Variants in TERB1 observed in about 807,000 individuals in gnomAD.
TERB1 encodes the protein telomere repeat binding bouquet formation protein 1.
In TERB1, 63 loss-of-function variants were observed where a neutral mutation model predicts 92.3. The ratio of observed to expected loss-of-function variants is 0.68; its 90% confidence interval spans 0.56 to 0.84. The LOEUF (loss-of-function observed/expected upper bound fraction) is 0.84. Among genes scored for constraint, TERB1 ranks in the 40% least tolerant of loss-of-function variants. The probability of loss-of-function intolerance (pLI) is 0.00; values close to 1 mark genes in which losing one functional copy is unlikely to be tolerated. For synonymous variants in TERB1, 252 were observed against 283.9 expected, an observed-to-expected ratio of 0.89 and a Z score of 1.13; for missense variants, 709 against 843.7, an observed-to-expected ratio of 0.84 and a Z score of 1.98.
chr16:66,790,677 T>C lies in TERB1; in HGVS notation c.189A>G (p.Val63=), dbSNP rs1277756708. ...YFREIGGLMF[V]KNLAKSSEHS... is the part of the protein sequence containing the mutation. ...GTTCACTTGACTTTGCAAGATTTTTTACAAACATCAAACCACCAATTTCCC... is the reference window on the plus strand; with the variant it reads ...GTTCACTTGACTTTGCAAGATTTTTCACAAACATCAAACCACCAATTTCCC... The change falls in exon 5 of 19, where the codon GTA becomes GTG. Residue 63 remains valine (V), a synonymous_variant. Transcript: ENST00000433154. 1.3e-6 allele frequency: 2 copies of C among 1,551,138 alleles called. No homozygotes were observed. Among genetic ancestry groups the C allele is most frequent in the Admixed American group, 3.9e-5 (2 of 50,994 alleles).
Position 66,777,275 on chromosome 16 carries a change from G to A in TERB1, c.913C>T (p.Leu305Phe). 1.3e-6 allele frequency: 2 copies of A among 1,549,906 alleles called. No homozygotes were observed. Among genetic ancestry groups the A allele is most frequent in the South Asian group, 1.2e-5 (1 of 84,016 alleles). The change falls in exon 11 of 19, where the codon CTT (leucine) becomes TTT (phenylalanine). Residue 305 changes from leucine to phenylalanine, a missense_variant. Physicochemically the swap from Leu to Phe is conservative, Grantham distance 22. Coordinates refer to ENST00000433154, the MANE Select transcript of TERB1 (RefSeq NM_001136505.2). The stretch of plus-strand genomic sequence containing the variant: ...TCTCCTGAATCCAGACTTTCATGAA[G>A]CAGTAATGCCAGAAGTTTAGAAACA... ...HIVSKLLALLLHESLDSGEKF... is the reference protein window; with the variant it reads ...HIVSKLLALLFHESLDSGEKF...
chr16:66,798,819 T>C (rs1334405650), intron 2 of TERB1, among the ~76,000 whole-genome samples: 1 of 152,240 alleles, frequency 6.6e-6, no homozygotes, highest in Non-Finnish European at 1.5e-5. Context: ...CTATTGAGGC[T>C]AGACTTTGTT....
In TERB1 at chr16:66,790,694, C is replaced by G. The variant is rs1412754017; in HGVS notation, c.172G>C (p.Gly58Arg). 1 of 1,550,740 alleles carries G rather than the reference C, an allele frequency of 6.4e-7. No individual in the cohort carries two copies. Among genetic ancestry groups the G allele is most frequent in the African/African-American group, 1.4e-5 (1 of 72,888 alleles). Residue 58 changes from glycine (G) to arginine (R), a missense_variant, in exon 5 of 19, where the codon GGT becomes CGT. Transcript: ENST00000433154. ...SNASVYFREI[G>R]GLMFVKNLAK... Reference sequence around the variant, plus strand: ...AGATTTTTTACAAACATCAAACCACCAATTTCCCGAAAATAAACACTTGCA... The same window carrying G: ...AGATTTTTTACAAACATCAAACCACGAATTTCCCGAAAATAAACACTTGCA...
chr16:66,777,627 C>A (rs557981426), intron 10 of TERB1, among the ~76,000 whole-genome samples: 2 of 152,274 alleles, frequency 1.3e-5, no homozygotes, highest in African/African-American at 4.8e-5. Context: ...AATTGTTCTG[C>A]AGAATGCTGT....
At chr16:66,768,062 ATC>A (rs2018380362) in intron 15 of TERB1, 40 bp downstream of exon 15, 4 of 1,435,678 alleles carry the variant, frequency 2.8e-6, no homozygotes, top group African/African-American at 1.4e-5. Context: ...TTACCTAAAT[ATC>A]TGTTTTATTA....
intron 3 of TERB1, among the ~76,000 whole-genome samples, chr16:66,791,367 A>G (rs2018832512): frequency 6.6e-6 from 1 of 152,154 alleles, no homozygotes; most frequent in Non-Finnish European, 1.5e-5. Context: ...AATTTGTGGG[A>G]TGCTACAAAA....
intron 16 of TERB1, among the ~76,000 whole-genome samples, chr16:66,763,356 G>A (rs1205161767): frequency 1.3e-5 from 2 of 152,040 alleles, no homozygotes; most frequent in Non-Finnish European, 2.9e-5. Flanking sequence ...AAGATACTAG[G>A]TCATTTGTAC....
rs1471650837 is a variant in TERB1 at position 66,767,500 on chromosome 16, T to A, written c.1695A>T (p.Thr565=). ...KQQLPVTDPF[T]LCSDIINKEV... The stretch of plus-strand genomic sequence containing the variant: ...CTTTATTTATTATATCTGAACATAA[T>A]GTAAATGGATCTGAAAAAAATTGCA... The change falls in exon 16 of 19, where the codon ACA becomes ACT. Residue 565 remains threonine (T), a synonymous_variant. Coordinates refer to ENST00000433154, the MANE Select transcript of TERB1 (RefSeq NM_001136505.2). 1 of 1,467,308 alleles carries A rather than the reference T, an allele frequency of 6.8e-7. No homozygotes were observed. The highest frequency in any genetic ancestry group is 9.1e-7 in the Non-Finnish European group (1 of 1,096,886). The allele number at this position is 1,467,308 out of a possible 1,614,324, so 90.9% of individuals were successfully genotyped here. A position where few individuals can be genotyped will look rare whatever the true frequency, so the allele number is the denominator to read the frequency against.
At position 66,770,327 on chromosome 16, in the gene TERB1, C is replaced by T; in HGVS notation, c.1273-18G>A. 7.2e-7 allele frequency: 1 copy of T among 1,397,872 alleles called. No individual in the cohort carries two copies. The allele number at this position is 1,397,872 out of a possible 1,614,324, so 86.6% of individuals were successfully genotyped here. On this transcript the variant is annotated intron_variant, in intron 13 of 18. Transcript: ENST00000433154. The stretch of plus-strand genomic sequence containing the variant: ...ATTTCTTCCTATAGTGTAAAAATGA[C>T]AAATAATTTCAATATAATCCATTCC...
upstream of TERB1, among the ~76,000 whole-genome samples, chr16:66,801,805 G>A (rs552648755): frequency 6.6e-6 from 1 of 152,356 alleles, no homozygotes; most frequent in Non-Finnish European, 1.5e-5. Context: ...CCTCAGACGA[G>A]CATTAGCCCC....
intron 16 of TERB1, among the ~76,000 whole-genome samples, chr16:66,760,675 A>G (rs1400569804): frequency 1.6e-5 from 2 of 125,884 alleles, no homozygotes; most frequent in African/African-American, 3.1e-5. Context: ...AGTCCCAGCT[A>G]CTTGGGAGGC....
At chr16:66,761,393 A>C (rs2018246157) in intron 16 of TERB1, among the ~76,000 whole-genome samples, 1 of 144,334 alleles carries the variant, frequency 6.9e-6, no homozygotes, top group Admixed American at 7.2e-5. Flanking sequence ...CAGAGGTTGC[A>C]GTGAGCTGAG....
At chr16:66,774,161 G>C (rs188909152) in intron 12 of TERB1, among the ~76,000 whole-genome samples, 1 of 143,842 alleles carries the variant, frequency 7.0e-6, no homozygotes, top group Non-Finnish European at 1.5e-5. Flanking sequence ...GATTACAGGC[G>C]TGAGCCACCA....
At chr16:66,764,141 C>T (rs905549998) in intron 16 of TERB1, among the ~76,000 whole-genome samples, 1 of 152,122 alleles carries the variant, frequency 6.6e-6, no homozygotes, top group Non-Finnish European at 1.5e-5. Context: ...GAAGATGACA[C>T]GATTTCATTT....
intron 16 of TERB1, among the ~76,000 whole-genome samples, chr16:66,766,151 G>T (rs1368669838): frequency 6.6e-6 from 1 of 151,922 alleles, no homozygotes; most frequent in Non-Finnish European, 1.5e-5. Context: ...GATTACAGGC[G>T]TGAGCCACCG....
rs377194015 is a variant in TERB1, at chr16:66,800,761, C to G, written c.-33+216G>C. 8.6e-4 allele frequency among the ~76,000 whole-genome samples: 131 copies of G among 152,156 alleles called. 1 individual carries two copies. The Middle Eastern group carries it at 0.024, about 28-fold the overall frequency. On this transcript the variant is annotated intron_variant, in intron 2 of 18. Coordinates refer to ENST00000433154, the MANE Select transcript of TERB1 (RefSeq NM_001136505.2). ...GCAAATTTGTTTTCGATCGTTTAAA[C>G]GGTCAAGAAATAACAGTCATTCAGG...
intron 13 of TERB1, among the ~76,000 whole-genome samples, chr16:66,772,207 T>C (rs2018464344): frequency 6.6e-6 from 1 of 152,196 alleles, no homozygotes; most frequent in Non-Finnish European, 1.5e-5. Context: ...TGGCTGGGCA[T>C]GGTGGCTCAT....
At position 66,754,924 on chromosome 16, in the gene TERB1, C is replaced by A. The variant is rs1228284900; in HGVS notation, c.*52G>T. On this transcript the variant is annotated 3_prime_UTR_variant, in exon 19 of 19. Coordinates refer to ENST00000433154, the MANE Select transcript of TERB1 (RefSeq NM_001136505.2). ...AGAAAAATACTTTAAATGTATCTTT[C>A]AAGGCACTGTATTTTAAGAATCCAA... is the stretch of plus-strand genomic sequence containing the variant. The A allele has an allele frequency of 3.5e-6, 5 of 1,436,840 alleles. No individual in the cohort carries two copies. In the East Asian group the frequency reaches 1.2e-4, roughly 36 times the overall value. The allele number at this position is 1,436,840 out of a possible 1,614,324, so 89.0% of individuals were successfully genotyped here.
chr16:66,767,747 A>G (rs1254805879), intron 15 of TERB1, among the ~76,000 whole-genome samples: 2 of 148,712 alleles, frequency 1.3e-5, no homozygotes, highest in East Asian at 2.0e-4. Flanking sequence ...TTTTTTTTTG[A>G]GATGGAGTCT....
Sources: allele counts gnomAD v4.1 joint callset (sites outside exome capture counted in the v4.1 genomes callset), GRCh38; gene constraint gnomAD v4.1.1; transcripts MANE v1.5; gene names NCBI Gene and HGNC (gene_info 2026-07-23, HGNC 2026-07-21).